DPEP1: variants seen among roughly 807,000 people sequenced by gnomAD.
DPEP1 encodes beta-lactamase.
In DPEP1, 50 loss-of-function variants were observed where a neutral mutation model predicts 42.3. That is an observed-to-expected ratio of 1.18 (90% CI 0.94 to 1.50). The LOEUF (loss-of-function observed/expected upper bound fraction) is 1.50, where lower values mean the gene tolerates loss of function less well. DPEP1 is among the 40% of genes most tolerant of loss of function. The probability of loss-of-function intolerance (pLI) is 0.00; values close to 1 mark genes in which losing one functional copy is unlikely to be tolerated. For synonymous variants in DPEP1, 297 were observed against 234.0 expected (o/e 1.27, Z -2.46); for missense variants, 663 against 553.0 (o/e 1.20, Z -1.99).
At chr16:89,614,288 C>T (rs574358920) in intron 1 of DPEP1, among the ~76,000 whole-genome samples, 42 of 152,304 alleles carry the variant, frequency 2.8e-4, no homozygotes, top group Middle Eastern at 3.4e-3. Flanking sequence ...CTTGTGGCGC[C>T]CAGTGCGGTC....
chr16:89,639,444 C>T (rs1454681373), downstream of DPEP1, among the ~76,000 whole-genome samples: 4 of 83,716 alleles, frequency 4.8e-5, no homozygotes, highest in South Asian at 4.7e-4. Context: ...CACACACAAC[C>T]CTGTGCACAC....
chr16:89,617,496 A>G (rs1213081749), intron 1 of DPEP1, among the ~76,000 whole-genome samples: 1 of 152,242 alleles, frequency 6.6e-6, no homozygotes, highest in Admixed American at 6.5e-5. Context: ...TCTGGTCAAC[A>G]GAAAGCCAAC....
chr16:89,631,113 C>T (rs552393847), intron 2 of DPEP1, among the ~76,000 whole-genome samples: 1 of 152,186 alleles, frequency 6.6e-6, no homozygotes, highest in East Asian at 1.9e-4. Context: ...GGGTGGCACC[C>T]TACAGGCCCT....
rs1379305342 is a variant in DPEP1, at chr16:89,638,067, C to G, written c.1081C>G (p.Gln361Glu). The part of the protein sequence containing the change: ...EAVEQASNLT[Q>E]APEEEPIPLD... The stretch of plus-strand genomic sequence containing the variant: ...CTGTCCCCAGGCCAGCAACCTCACA[C>G]AGGCTCCCGAGGAGGAGCCCATCCC... Residue 361 changes from glutamine to glutamate, a missense_variant, in exon 11 of 11, where the codon CAG becomes GAG. By Grantham distance (29) the Gln-to-Glu change is conservative. Transcript: ENST00000690203. 5 of 1,612,142 alleles carry G rather than the reference C, an allele frequency of 3.1e-6. No homozygotes were observed. The African/African-American group carries it at 5.3e-5, about 17-fold the overall frequency.
downstream of DPEP1, chr16:89,640,532 G>A (rs1225821412): frequency 1.3e-5 from 13 of 983,136 alleles, no homozygotes; most frequent in Non-Finnish European, 1.6e-5. Flanking sequence ...CCTCCAGAAG[G>A]GACGCGTCCT....
At chr16:89,618,562 A>G (rs1012952169) in intron 1 of DPEP1, among the ~76,000 whole-genome samples, 16 of 152,040 alleles carry the variant, frequency 1.1e-4, no homozygotes, top group Non-Finnish European at 1.9e-4. Context: ...GGGTCTCACT[A>G]TGTTGCCCAG....
Position 89,630,342 on chromosome 16 carries a change from G to A in DPEP1, c.-69G>A, listed in dbSNP as rs945663324. 1 of 1,349,210 alleles carries A rather than the reference G, an allele frequency of 7.4e-7. No homozygotes were observed. Among genetic ancestry groups the A allele is most frequent in the East Asian group, 2.5e-5 (1 of 39,590 alleles). 83.6% of individuals were successfully genotyped at this position (1,349,210 alleles called of 1,614,324 possible). A position where few individuals can be genotyped will look rare whatever the true frequency, so the allele number is the denominator to read the frequency against. Reference sequence around the variant, plus strand: ...CTCACAGCCTGAAGCTCATCCTTCTGCACGGGCCAGCCAGGCCAGCACAGA... The same window carrying A: ...CTCACAGCCTGAAGCTCATCCTTCTACACGGGCCAGCCAGGCCAGCACAGA... On this transcript the variant is annotated 5_prime_UTR_variant, in exon 2 of 11. Transcript: ENST00000690203.
intron 2 of DPEP1, among the ~76,000 whole-genome samples, chr16:89,634,204 T>A (rs61217159): frequency 0.099 from 14,864 of 150,352 alleles, 1,029 homozygotes; most frequent in East Asian, 0.26. Flanking sequence ...TTGTCCTGCC[T>A]CAGCCTCTTG....
Position 89,621,549 on chromosome 16 carries a change from G to A in DPEP1, c.-107+7830G>A, listed in dbSNP as rs58307147. Among the ~76,000 whole-genome samples the A allele has an allele frequency of 4.9e-3, 741 of 152,276 alleles. 6 individuals are homozygous for A. The highest frequency in any genetic ancestry group is 0.017 in the African/African-American group (706 of 41,544). On this transcript the variant is annotated intron_variant, in intron 1 of 10. Coordinates refer to ENST00000690203, the MANE Select transcript of DPEP1 (RefSeq NM_001389466.1). ...GGAGAGAGACAGGGCCGGGCTCCCC[G>A]TGGAGCTGCAGGCTCCCGATGTTCC...
intron 1 of DPEP1, among the ~76,000 whole-genome samples, chr16:89,629,730 C>T (rs77816289): frequency 6.6e-6 from 1 of 152,282 alleles, no homozygotes; most frequent in Non-Finnish European, 1.5e-5. Flanking sequence ...GTTCTAAGGA[C>T]GTGTCTAGCT....
chr16:89,629,497 C>A (rs1264416226), intron 1 of DPEP1, among the ~76,000 whole-genome samples: 1 of 129,972 alleles, frequency 7.7e-6, no homozygotes, highest in Non-Finnish European at 1.6e-5. Context: ...CCTTCCCTGC[C>A]GGGCTCCCCC....
rs569097974 is a variant in DPEP1 at position 89,621,804 on chromosome 16, G to A, written c.-107+8085G>A. Among the ~76,000 whole-genome samples, 13 of 152,306 alleles carry A rather than the reference G, an allele frequency of 8.5e-5. No homozygotes were observed. The South Asian group carries it at 1.9e-3, about 22-fold the overall frequency. On this transcript the variant is annotated intron_variant, in intron 1 of 10. Coordinates refer to ENST00000690203, the MANE Select transcript of DPEP1 (RefSeq NM_001389466.1). ...GTCTGCACATGTCTGTTCTAGGTAC[G>A]CGGACGTATCTGACCGTGTGGGCTT...
At chr16:89,631,015 C>G (rs939247377) in intron 2 of DPEP1, among the ~76,000 whole-genome samples, 1 of 152,114 alleles carries the variant, frequency 6.6e-6, no homozygotes, top group African/African-American at 2.4e-5. Flanking sequence ...GGTCCCGAAG[C>G]TCAGAGTGAG....
rs1195214458 is a variant in DPEP1 at position 89,630,334 on chromosome 16, A to C, written c.-77A>C. 1.7e-5 allele frequency: 21 copies of C among 1,236,974 alleles called. No individual in the cohort carries two copies. The Middle Eastern group carries it at 8.8e-4, about 52-fold the overall frequency. The allele number at this position is 1,236,974 out of a possible 1,614,324, so 76.6% of individuals were successfully genotyped here. A position where few individuals can be genotyped will look rare whatever the true frequency, so the allele number is the denominator to read the frequency against. Reference sequence around the variant, plus strand: ...AGTGGCTCCTCACAGCCTGAAGCTCATCCTTCTGCACGGGCCAGCCAGGCC... The same window carrying C: ...AGTGGCTCCTCACAGCCTGAAGCTCCTCCTTCTGCACGGGCCAGCCAGGCC... On this transcript the variant is annotated 5_prime_UTR_variant, in exon 2 of 11. Coordinates refer to ENST00000690203, the MANE Select transcript of DPEP1 (RefSeq NM_001389466.1).
At chr16:89,617,394 G>T (rs1455915176) in intron 1 of DPEP1, among the ~76,000 whole-genome samples, 1 of 152,190 alleles carries the variant, frequency 6.6e-6, no homozygotes, top group Non-Finnish European at 1.5e-5. Flanking sequence ...TGCCTGCATG[G>T]AAGAATTGCT....
Position 89,635,911 on chromosome 16 carries a change from C to G in DPEP1, c.108C>G (p.His36Gln). Residue 36 changes from histidine to glutamine, a missense_variant, in exon 3 of 11, where the codon CAC becomes CAG. Coordinates refer to ENST00000690203, the MANE Select transcript of DPEP1 (RefSeq NM_001389466.1). Reference protein sequence around the residue: ...IMRDSPVIDGHNDLPWQLLDM... With the variant: ...IMRDSPVIDGQNDLPWQLLDM... ...GCCTCTCCCCGGCAAACTCCAGGCA[C>G]AATGACCTCCCCTGGCAGCTGCTGG... is the stretch of plus-strand genomic sequence containing the variant. 6.3e-7 allele frequency: 1 copy of G among 1,599,732 alleles called. No individual in the cohort carries two copies. The highest frequency in any genetic ancestry group is 8.5e-7 in the Non-Finnish European group (1 of 1,173,158).
Position 89,637,277 on chromosome 16 carries a change from C to T in DPEP1, c.665C>T (p.Ala222Val). ...LAHVSVATMKATLQLSRAPVI... is the reference protein window; with the variant it reads ...LAHVSVATMKVTLQLSRAPVI... ...CACGTGTCTGTGGCCACCATGAAGG[C>T]CACCCTGCAGCTGTCCAGAGCCCCG... Residue 222 changes from alanine (A) to valine (V), a missense_variant, in exon 7 of 11, where the codon GCC becomes GTC. Transcript: ENST00000690203. 1 of 1,612,718 alleles carries T rather than the reference C, an allele frequency of 6.2e-7. No homozygotes were observed. The highest frequency in any genetic ancestry group is 1.3e-5 in the African/African-American group (1 of 75,056).
intron 2 of DPEP1, among the ~76,000 whole-genome samples, chr16:89,632,605 G>T (rs1033963488): frequency 6.6e-6 from 1 of 152,170 alleles, no homozygotes; most frequent in Non-Finnish European, 1.5e-5. Context: ...CAGGACGCCG[G>T]CTTCCATATC....
chr16:89,637,547 TG>T lies in DPEP1; in HGVS notation c.850del (p.Ala284ProfsTer41), dbSNP rs752918476. On this transcript the variant is annotated frameshift_variant, in exon 8 of 11. Coordinates refer to ENST00000690203, the MANE Select transcript of DPEP1 (RefSeq NM_001389466.1). LOFTEE classifies it high-confidence loss of function. ...ACCAACAAGGCCAACCTGTCCCAAG[TG>T]GCCGGTAGGTGGGGTGTGAGCGGCC... ...SCTNKANLSQ[V>X]ADHLDHIKEV... The T allele has an allele frequency of 3.4e-5, 55 of 1,612,208 alleles. No individual in the cohort carries two copies. Among genetic ancestry groups the T allele is most frequent in the South Asian group, 2.2e-5 (2 of 91,034 alleles).
Sources: gnomAD v4.1 joint callset for allele counts (sites outside exome capture counted in the v4.1 genomes callset) on GRCh38, gnomAD v4.1.1 for gene constraint, MANE v1.5 for transcripts, NCBI Gene and HGNC (gene_info 2026-07-23, HGNC 2026-07-21) for gene names.